The following DYNC1I1 variants were observed in gnomAD, a reference collection of about 807,000 sequenced individuals.
DYNC1I1 encodes the protein dynein cytoplasmic 1 intermediate chain 1, also known as cytoplasmic dynein 1 intermediate chain 1.
A neutral mutation model predicts 86.6 loss-of-function variants in DYNC1I1; 43 were observed. The ratio of observed to expected loss-of-function variants is 0.50; its 90% CI spans 0.39 to 0.64. The LOEUF is 0.64. Among genes scored for constraint, DYNC1I1 ranks in the 30% least tolerant of loss-of-function variants. The pLI is 0.00. For synonymous variants in DYNC1I1, 262 were observed against 283.7 expected (o/e 0.92, Z 0.77); for missense variants, 604 against 788.8 (o/e 0.77, Z 2.81).
intron 9 of DYNC1I1, among the ~76,000 whole-genome samples, chr7:95,992,531 G>A (rs1048837343): frequency 6.6e-6 from 1 of 152,146 alleles, no homozygotes; most frequent in East Asian, 1.9e-4. Context: ...GCCTACCTTA[G>A]AGGGTTATGA....
intron 5 of DYNC1I1, among the ~76,000 whole-genome samples, chr7:95,850,565 A>G (rs530121899): frequency 6.6e-6 from 1 of 152,302 alleles, no homozygotes; most frequent in Admixed American, 6.5e-5. Context: ...ACTGAGCCCA[A>G]TTACCAGTCA....
chr7:95,789,415 G>A (rs986747726), intron 1 of DYNC1I1, among the ~76,000 whole-genome samples: 4 of 152,140 alleles, frequency 2.6e-5, no homozygotes, highest in African/African-American at 9.7e-5. Flanking sequence ...TAAGGTAGCT[G>A]GAAAAGTTGA....
intron 6 of DYNC1I1, among the ~76,000 whole-genome samples, chr7:95,870,246 G>A (rs1239427530): frequency 1.3e-5 from 2 of 152,198 alleles, no homozygotes; most frequent in Admixed American, 1.3e-4. Flanking sequence ...TCGAAATCAT[G>A]TGAGGAGAAC....
chr7:95,839,855 C>A (rs1208762488), intron 5 of DYNC1I1, among the ~76,000 whole-genome samples: 1 of 151,916 alleles, frequency 6.6e-6, no homozygotes, highest in South Asian at 2.1e-4. Context: ...TCTTGATTGG[C>A]AGGTTTTTTT....
At chr7:95,997,372 C>G (rs1325606741) in intron 10 of DYNC1I1, among the ~76,000 whole-genome samples, 1 of 152,022 alleles carries the variant, frequency 6.6e-6, no homozygotes, top group African/African-American at 2.4e-5. Flanking sequence ...TTTTGAAAAA[C>G]AGTGCCTTTT....
intron 2 of DYNC1I1, among the ~76,000 whole-genome samples, chr7:95,807,828 T>C (rs990283966): frequency 3.3e-5 from 5 of 152,178 alleles, no homozygotes; most frequent in African/African-American, 1.2e-4. Context: ...TAGTACAAGA[T>C]GTTATATTTT....
At chr7:95,849,709 G>A (rs1789527237) in intron 5 of DYNC1I1, among the ~76,000 whole-genome samples, 1 of 152,000 alleles carries the variant, frequency 6.6e-6, no homozygotes, top group Non-Finnish European at 1.5e-5. Flanking sequence ...GGGGTCTTTT[G>A]TGGTTTCATA....
intron 6 of DYNC1I1, among the ~76,000 whole-genome samples, chr7:95,947,837 T>C (rs1457699399): frequency 2.0e-5 from 3 of 152,188 alleles, no homozygotes; most frequent in South Asian, 4.1e-4. Flanking sequence ...TTTTCAAGCA[T>C]CACGGTTATG....
chr7:96,045,108 G>A (rs981215743), intron 14 of DYNC1I1, among the ~76,000 whole-genome samples: 1 of 152,146 alleles, frequency 6.6e-6, no homozygotes, highest in African/African-American at 2.4e-5. Flanking sequence ...GAGCAGAAAG[G>A]AAATAAAAAC....
chr7:96,052,944 C>G (rs192996183), intron 14 of DYNC1I1, among the ~76,000 whole-genome samples: 3 of 152,288 alleles, frequency 2.0e-5, no homozygotes, highest in Non-Finnish European at 4.4e-5. Flanking sequence ...TTTTGAACAA[C>G]AGTGATAGTG....
At chr7:96,004,781 G>A in intron 10 of DYNC1I1, among the ~76,000 whole-genome samples, 1 of 152,158 alleles carries the variant, frequency 6.6e-6, no homozygotes, top group African/African-American at 2.4e-5. Flanking sequence ...AATCCACAGT[G>A]TCCTGTAGGG....
intron 6 of DYNC1I1, among the ~76,000 whole-genome samples, chr7:95,971,516 A>G (rs1793170554): frequency 6.6e-6 from 1 of 152,182 alleles, no homozygotes; most frequent in South Asian, 2.1e-4. Flanking sequence ...AACAAAACAG[A>G]AAAACTCAGG....
At chr7:96,014,331 C>T (rs1208491376) in intron 10 of DYNC1I1, among the ~76,000 whole-genome samples, 1 of 152,136 alleles carries the variant, frequency 6.6e-6, no homozygotes, top group Non-Finnish European at 1.5e-5. Context: ...CTCCTGACTC[C>T]CTTTTCGGTT....
At chr7:96,108,038 A>G (rs563171326) in intron 16 of DYNC1I1, among the ~76,000 whole-genome samples, 18 of 151,982 alleles carry the variant, frequency 1.2e-4, no homozygotes, top group African/African-American at 3.9e-4. Context: ...TTTCTTTTAC[A>G]TATCTTATTG....
downstream of DYNC1I1, among the ~76,000 whole-genome samples, chr7:96,099,056 T>G (rs964269818): frequency 6.6e-6 from 1 of 152,112 alleles, no homozygotes. Flanking sequence ...AGATAACAAA[T>G]GAGTATCTGG....
intron 1 of DYNC1I1, among the ~76,000 whole-genome samples, chr7:95,789,174 C>G (rs1344309530): frequency 6.6e-6 from 1 of 152,196 alleles, no homozygotes; most frequent in Non-Finnish European, 1.5e-5. Flanking sequence ...CTGAGTTATC[C>G]ATTCGTGTAC....
intron 16 of DYNC1I1, among the ~76,000 whole-genome samples, chr7:96,096,043 C>T (rs182274129): frequency 2.6e-5 from 4 of 152,178 alleles, no homozygotes; most frequent in Admixed American, 6.5e-5. Context: ...TACTGCACTT[C>T]GCAAAATAAG....
chr7:95,813,092 C>CTT, intron 3 of DYNC1I1, 155 bp from the exon 4 acceptor site: 2 of 1,283,540 alleles, frequency 1.6e-6, no homozygotes, highest in East Asian at 2.7e-5. Context: ...CCTTTTCTTT[C>CTT]CTTTTTTTTT....
Position 95,997,199 on chromosome 7 carries a change from GTTCT to G in DYNC1I1, c.969+1133_969+1136del, listed in dbSNP as rs1330720094. Reference sequence around the variant, plus strand: ...TTTCTTAGCCTTTGAAATAAGAACGGTTCTTTCTTTTTTTCTTTTATTTTTTTTA... The same window carrying G: ...TTTCTTAGCCTTTGAAATAAGAACGGTTCTTTTTTTCTTTTATTTTTTTTA... On this transcript the variant is annotated intron_variant, in intron 10 of 16. Transcript: ENST00000447467. Among the ~76,000 whole-genome samples the G allele has an allele frequency of 2.0e-5, 3 of 152,060 alleles. No homozygotes were observed. The East Asian group carries it at 5.8e-4, about 29-fold the overall frequency.
Sources: allele counts gnomAD v4.1 joint callset (sites outside exome capture counted in the v4.1 genomes callset), GRCh38; gene constraint gnomAD v4.1.1; transcripts MANE v1.5; gene names NCBI Gene and HGNC (gene_info 2026-07-23, HGNC 2026-07-21).